The following PLCB1 variants were observed in gnomAD, a reference collection of about 807,000 sequenced individuals.
PLCB1 encodes the protein 1-phosphatidylinositol 4,5-bisphosphate phosphodiesterase beta-1.
PLCB1 carries 46 observed loss-of-function variants against 161.8 expected under a neutral mutation model. The observed-to-expected ratio is 0.28, with a 90% CI of 0.22 to 0.36. The LOEUF (loss-of-function observed/expected upper bound fraction) is 0.36. Among genes scored for constraint, PLCB1 ranks in the 10% least tolerant of loss-of-function variants. The pLI, the probability that PLCB1 is intolerant of heterozygous loss-of-function variation, is 1.00. For missense variants in PLCB1, 1,016 were observed against 1,472.5 expected (o/e 0.69, Z 5.07); for synonymous variants, 517 against 503.7 (o/e 1.03, Z -0.35).
chr20:8,482,092 A>ATTTTTTTTTTTTTTTTT (rs199634903), intron 3 of PLCB1, among the ~76,000 whole-genome samples: 11 of 104,886 alleles, frequency 1.0e-4, no homozygotes, highest in Non-Finnish European at 1.6e-4. Context: ...GCTTGAAGGA[A>ATTTTTTTTTTTTTTTTT]TTTTTTTTTT....
chr20:8,441,677 A>G (rs2122613849), intron 3 of PLCB1, among the ~76,000 whole-genome samples: 1 of 152,320 alleles, frequency 6.6e-6, no homozygotes, highest in Admixed American at 6.5e-5. Context: ...GACCGACCAT[A>G]ACAGACGATC....
intron 12 of PLCB1, among the ~76,000 whole-genome samples, chr20:8,713,998 G>T (rs1023605354): frequency 6.6e-6 from 1 of 152,074 alleles, no homozygotes; most frequent in Non-Finnish European, 1.5e-5. Flanking sequence ...AGGGCATTCA[G>T]GTAAAATGCC....
chr20:8,631,427 T>C (rs576769102), intron 4 of PLCB1, among the ~76,000 whole-genome samples: 2 of 152,338 alleles, frequency 1.3e-5, no homozygotes, highest in Non-Finnish European at 2.9e-5. Flanking sequence ...TGAGTAAGAC[T>C]TGGGAGCTTC....
intron 12 of PLCB1, among the ~76,000 whole-genome samples, chr20:8,714,120 G>A (rs1009035858): frequency 6.6e-6 from 1 of 152,072 alleles, no homozygotes; most frequent in Middle Eastern, 3.2e-3. Context: ...ATCAATCGCA[G>A]TGGTTTTCAA....
chr20:8,176,247 C>G (rs972109056), intron 2 of PLCB1, among the ~76,000 whole-genome samples: 6 of 152,130 alleles, frequency 3.9e-5, no homozygotes, highest in Non-Finnish European at 5.9e-5. Flanking sequence ...AGACCAGATG[C>G]CTTCAGTGAG....
At chr20:8,504,979 A>G (rs1029658071) in intron 3 of PLCB1, among the ~76,000 whole-genome samples, 1 of 152,068 alleles carries the variant, frequency 6.6e-6, no homozygotes, top group Non-Finnish European at 1.5e-5. Context: ...TAATCCTTCT[A>G]CCTCAACCTC....
Position 8,795,832 on chromosome 20 carries a change from G to A in PLCB1, c.3423+5571G>A, listed in dbSNP as rs1328300632. On this transcript the variant is annotated intron_variant, in intron 31 of 31. Coordinates refer to ENST00000338037, the MANE Select transcript of PLCB1 (RefSeq NM_015192.4). Reference sequence around the variant, plus strand: ...GGAGGTTGCAGTGAGCCGAGATCGCGCCACTGCATTCAAGCCTGGGCGACT... The same window carrying A: ...GGAGGTTGCAGTGAGCCGAGATCGCACCACTGCATTCAAGCCTGGGCGACT... Among the ~76,000 whole-genome samples the A allele has an allele frequency of 3.4e-5, 5 of 147,738 alleles. No individual in the cohort carries two copies. The East Asian group carries it at 6.1e-4, about 18-fold the overall frequency.
rs1568536067 is a variant in PLCB1 at position 8,629,879 on chromosome 20, C to CTT, written c.384+1449_384+1450insTT. Among the ~76,000 whole-genome samples, 217 of 89,738 alleles carry CTT rather than the reference C, an allele frequency of 2.4e-3. 1 individual carries two copies. The highest frequency in any genetic ancestry group is 8.9e-3 in the African/African-American group (196 of 21,940). 58.9% of individuals were successfully genotyped at this position (89,738 alleles called of 152,430 possible). A position where few individuals can be genotyped will look rare whatever the true frequency, so the allele number is the denominator to read the frequency against. ...TTTCTTTCTTTCTTTCTTTCTTTCT[C>CTT]TCTCTCTTTCTTTTCTTTCTTTCTT... On this transcript the variant is annotated intron_variant, in intron 4 of 31. Transcript: ENST00000338037.
intron 3 of PLCB1, among the ~76,000 whole-genome samples, chr20:8,569,050 T>C (rs1198021641): frequency 6.6e-6 from 1 of 152,240 alleles, no homozygotes. Flanking sequence ...CAGGTTTTGA[T>C]TGATGGATGC....
intron 3 of PLCB1, among the ~76,000 whole-genome samples, chr20:8,551,592 G>A (rs879578024): frequency 1.3e-5 from 2 of 152,096 alleles, no homozygotes; most frequent in Non-Finnish European, 2.9e-5. Flanking sequence ...ATGCTGGAGA[G>A]TGAGCTCTTC....
At chr20:8,612,819 C>T (rs1191196566) in intron 3 of PLCB1, among the ~76,000 whole-genome samples, 1 of 152,154 alleles carries the variant, frequency 6.6e-6, no homozygotes, top group Non-Finnish European at 1.5e-5. Flanking sequence ...AATACTCTAC[C>T]CCTGAGCTGT....
intron 2 of PLCB1, among the ~76,000 whole-genome samples, chr20:8,153,174 T>A (rs2051527022): frequency 6.6e-6 from 1 of 152,210 alleles, no homozygotes; most frequent in African/African-American, 2.4e-5. Flanking sequence ...AGTGAAACAC[T>A]GACAGGATGT....
chr20:8,161,836 G>A (rs2051628279), intron 2 of PLCB1, among the ~76,000 whole-genome samples: 1 of 151,054 alleles, frequency 6.6e-6, no homozygotes, highest in Non-Finnish European at 1.5e-5. Flanking sequence ...CAGCCAAGGT[G>A]AACACAGATA....
chr20:8,257,954 T>A (rs1981509929), intron 2 of PLCB1, among the ~76,000 whole-genome samples: 1 of 152,122 alleles, frequency 6.6e-6, no homozygotes, highest in South Asian at 2.1e-4. Flanking sequence ...ATTCAGAATG[T>A]CCATGAGACT....
chr20:8,445,661 G>C (rs556628275), intron 3 of PLCB1, among the ~76,000 whole-genome samples: 1 of 152,250 alleles, frequency 6.6e-6, no homozygotes, highest in African/African-American at 2.4e-5. Context: ...TCATGGTATT[G>C]ATTCTTCCTA....
intron 31 of PLCB1, among the ~76,000 whole-genome samples, chr20:8,851,466 T>C (rs1245834008): frequency 6.6e-6 from 1 of 152,244 alleles, no homozygotes; most frequent in African/African-American, 2.4e-5. Flanking sequence ...AAAATAACCC[T>C]GAGTGTCTAC....
chr20:8,781,451 G>T (rs1983232756), intron 27 of PLCB1, among the ~76,000 whole-genome samples: 1 of 142,084 alleles, frequency 7.0e-6, no homozygotes, highest in Non-Finnish European at 1.5e-5. Flanking sequence ...CACACACAAA[G>T]ATCCAAATCC....
chr20:8,304,795 G>T (rs1347991631), intron 2 of PLCB1, among the ~76,000 whole-genome samples: 4 of 152,002 alleles, frequency 2.6e-5, no homozygotes, highest in Non-Finnish European at 5.9e-5. Context: ...TGGTTACTAG[G>T]ATTATCCCAT....
At chr20:8,197,414 G>A (rs2052036923) in intron 2 of PLCB1, among the ~76,000 whole-genome samples, 1 of 152,178 alleles carries the variant, frequency 6.6e-6, no homozygotes, top group Admixed American at 6.5e-5. Context: ...GATGGCCAGT[G>A]ATGATGAGCA....
Sources: allele counts gnomAD v4.1 joint callset (sites outside exome capture counted in the v4.1 genomes callset), GRCh38; gene constraint gnomAD v4.1.1; transcripts MANE v1.5; gene names NCBI Gene and HGNC (gene_info 2026-07-23, HGNC 2026-07-21).